Variants in TET2 observed in about 807,000 individuals in gnomAD.
The protein encoded by TET2 is tet methylcytosine dioxygenase 2.
Under a neutral mutation model 142.9 loss-of-function variants are expected in TET2, and 299 were observed. That is an observed-to-expected ratio of 2.09 (90% CI 1.90 to 2.30). TET2 has a LOEUF of 2.30. TET2 is among the 30% of genes most tolerant of loss of function. The pLI is 0.00. For missense variants in TET2, 2,418 were observed against 2,378.0 expected (o/e 1.02, Z -0.35); for synonymous variants, 819 against 849.0 (o/e 0.96, Z 0.61).
At chr4:105,161,342 TA>T (rs1413499160) in intron 1 of TET2, among the ~76,000 whole-genome samples, 1 of 152,224 alleles carries the variant, frequency 6.6e-6, no homozygotes, top group Non-Finnish European at 1.5e-5. Context: ...ACATTTCTGA[TA>T]CACTGAATTA....
chr4:105,157,352 CAG>C (rs1482299618), intron 1 of TET2, among the ~76,000 whole-genome samples: 2 of 152,026 alleles, frequency 1.3e-5, no homozygotes, highest in Non-Finnish European at 2.9e-5. Flanking sequence ...TTAGTACAAA[CAG>C]ATACATTTTA....
At chr4:105,186,473 C>CTTTTT (rs1224419124) in intron 1 of TET2, among the ~76,000 whole-genome samples, 42 of 115,048 alleles carry the variant, frequency 3.7e-4, no homozygotes, top group Non-Finnish European at 5.0e-4. Context: ...TTTGCATTTT[C>CTTTTT]TTTTTTTTTT....
intron 2 of TET2, among the ~76,000 whole-genome samples, chr4:105,199,576 G>T (rs1447336471): frequency 1.3e-5 from 2 of 152,128 alleles, no homozygotes; most frequent in Admixed American, 6.5e-5. Context: ...GAGTACACGT[G>T]CAGGTTTGTT....
rs545791974 is a variant in TET2, at chr4:105,223,391, C to T, written c.-46-10506C>T. On this transcript the variant is annotated intron_variant, in intron 2 of 10. Transcript: ENST00000380013. ...TTAAATAATGTTAACTTTAAATTAA[C>T]GAAGAATAGTTTTTAATTTTATAAG... 1.2e-3 allele frequency among the ~76,000 whole-genome samples: 181 copies of T among 151,970 alleles called. 1 individual carries two copies. The highest frequency in any genetic ancestry group is 4.5e-3 in the Admixed American group (69 of 15,250).
chr4:105,187,973 C>G (rs1725553871), intron 1 of TET2, among the ~76,000 whole-genome samples: 1 of 152,188 alleles, frequency 6.6e-6, no homozygotes, highest in African/African-American at 2.4e-5. Flanking sequence ...AAGCATGGAA[C>G]TACCATAAGA....
In TET2 at chr4:105,278,405, TA is replaced by T. The variant is rs34547183; in HGVS notation, c.*1896del. 0.02 allele frequency: 3,937 copies of T among 198,522 alleles called. 24 individuals carry two copies. Among genetic ancestry groups the T allele is most frequent in the Non-Finnish European group, 0.029 (2,865 of 98,720 alleles). 12.3% of individuals were successfully genotyped at this position (198,522 alleles called of 1,614,324 possible). The stretch of plus-strand genomic sequence containing the variant: ...TTTTCCAAGTCCTTTTTTTTATTGT[TA>T]AAAAAAAAAGCATACCTTTTTTCAA... On this transcript the variant is annotated 3_prime_UTR_variant, in exon 11 of 11. Transcript: ENST00000380013.
chr4:105,274,049 T>A (rs1412208821), intron 10 of TET2, among the ~76,000 whole-genome samples: 2 of 152,236 alleles, frequency 1.3e-5, no homozygotes, highest in African/African-American at 4.8e-5. Flanking sequence ...TCAGAGGAAC[T>A]AAGTTAAATA....
intron 1 of TET2, among the ~76,000 whole-genome samples, chr4:105,181,889 C>G (rs1725141411): frequency 6.6e-6 from 1 of 151,830 alleles, no homozygotes; most frequent in African/African-American, 2.4e-5. Context: ...ATACTACTTT[C>G]TTTATTTAGG....
chr4:105,208,692 G>A (rs1726968709), intron 2 of TET2, among the ~76,000 whole-genome samples: 1 of 152,128 alleles, frequency 6.6e-6, no homozygotes, highest in South Asian at 2.1e-4. Context: ...AGTGGATAAA[G>A]GCACAGTGGT....
At chr4:105,248,757 C>T (rs1379018126) in intron 6 of TET2, among the ~76,000 whole-genome samples, 1 of 152,058 alleles carries the variant, frequency 6.6e-6, no homozygotes, top group African/African-American at 2.4e-5. Flanking sequence ...AGTTTCAGAA[C>T]GTTTTCATCA....
chr4:105,216,141 A>G (rs1273148945), intron 2 of TET2, among the ~76,000 whole-genome samples: 27 of 152,190 alleles, frequency 1.8e-4, no homozygotes, highest in Admixed American at 1.8e-3. Flanking sequence ...TATTAGAGCT[A>G]GTATACTTGG....
At chr4:105,259,851 T>C in intron 7 of TET2, 82 bp downstream of exon 7, 1 of 1,353,952 alleles carries the variant, frequency 7.4e-7, no homozygotes, top group East Asian at 2.6e-5. Context: ...ATATGACATA[T>C]CTTGGTAAGC....
At chr4:105,160,333 TAAAA>T (rs771186933) in intron 1 of TET2, among the ~76,000 whole-genome samples, 23 of 150,426 alleles carry the variant, frequency 1.5e-4, no homozygotes, top group Non-Finnish European at 1.5e-4. Flanking sequence ...CAAGTTGAAA[TAAAA>T]AAAAAGGCAT....
At chr4:105,271,530 G>A (rs1454750124) in intron 9 of TET2, among the ~76,000 whole-genome samples, 1 of 152,176 alleles carries the variant, frequency 6.6e-6, no homozygotes, top group Non-Finnish European at 1.5e-5. Flanking sequence ...GGTTAAATAT[G>A]TATGGGAAAA....
rs1247934825 is a variant in TET2 at position 105,277,466 on chromosome 4, G to A, written c.*947G>A. 1 of 226,596 alleles carries A rather than the reference G, an allele frequency of 4.4e-6. No individual in the cohort carries two copies. The highest frequency in any genetic ancestry group is 8.8e-6 in the Non-Finnish European group (1 of 113,984). 14.0% of individuals were successfully genotyped at this position (226,596 alleles called of 1,614,324 possible). A position where few individuals can be genotyped will look rare whatever the true frequency, so the allele number is the denominator to read the frequency against. On this transcript the variant is annotated 3_prime_UTR_variant, in exon 11 of 11. Transcript: ENST00000380013. The stretch of plus-strand genomic sequence containing the variant: ...ACAACTTGAACAATGCTAAGGTACT[G>A]AGATGTTTAAAAAACAAGTTTACTT...
At position 105,277,563 on chromosome 4, in the gene TET2, A is replaced by G. The variant is rs902748774; in HGVS notation, c.*1044A>G. 1 of 227,830 alleles carries G rather than the reference A, an allele frequency of 4.4e-6. No individual in the cohort carries two copies. Among genetic ancestry groups the G allele is most frequent in the Non-Finnish European group, 8.7e-6 (1 of 114,838 alleles). The allele number at this position is 227,830 out of a possible 1,614,324, so 14.1% of individuals were successfully genotyped here. On this transcript the variant is annotated 3_prime_UTR_variant, in exon 11 of 11. Transcript: ENST00000380013. The stretch of plus-strand genomic sequence containing the variant: ...TTTTAAAATATTTTTGCTTTTAGCC[A>G]TGCATCTGCTGATGAGCAATTGTGT...
intron 1 of TET2, among the ~76,000 whole-genome samples, chr4:105,168,016 C>T (rs1462370066): frequency 6.6e-6 from 1 of 152,218 alleles, no homozygotes; most frequent in Non-Finnish European, 1.5e-5. Flanking sequence ...GACTACTTCA[C>T]ACCATTTCAC....
chr4:105,275,390 A>G lies in TET2; in HGVS notation c.4880A>G (p.Gln1627Arg). 6.4e-7 allele frequency: 1 copy of G among 1,551,618 alleles called. No individual in the cohort carries two copies. Among genetic ancestry groups the G allele is most frequent in the Middle Eastern group, 1.7e-4 (1 of 5,992 alleles). Residue 1627 changes from glutamine (Q) to arginine (R), a missense_variant, in exon 11 of 11, where the codon CAA (glutamine) becomes CGA (arginine). By Grantham distance (43) the Gln-to-Arg change is conservative (BLOSUM62 1). Coordinates refer to ENST00000380013, the MANE Select transcript of TET2 (RefSeq NM_001127208.3). Reference sequence around the variant, plus strand: ...CCTGGGCTTTTGAATCAGAATACCCAATATCCATCATATCAATGCAATGGA... The same window carrying G: ...CCTGGGCTTTTGAATCAGAATACCCGATATCCATCATATCAATGCAATGGA... ...PYPGLLNQNT[Q>R]YPSYQCNGNL... is the part of the protein sequence containing the mutation.
chr4:105,219,136 A>T (rs1013783969), intron 2 of TET2, among the ~76,000 whole-genome samples: 5 of 152,078 alleles, frequency 3.3e-5, no homozygotes, highest in African/African-American at 1.2e-4. Context: ...ACATATTGAA[A>T]TTTCTTAAAT....
Sources: gnomAD v4.1 joint callset for allele counts (sites outside exome capture counted in the v4.1 genomes callset) on GRCh38, gnomAD v4.1.1 for gene constraint, MANE v1.5 for transcripts, NCBI Gene and HGNC (gene_info 2026-07-23, HGNC 2026-07-21) for gene names.